The following PKD1L1 variants were observed in gnomAD, a reference collection of about 807,000 sequenced individuals.
The protein encoded by PKD1L1 is polycystin-1-like protein 1.
PKD1L1 carries 236 observed loss-of-function variants against 323.4 expected under a neutral mutation model. The observed-to-expected ratio is 0.73, with a 90% CI of 0.66 to 0.81. The LOEUF (loss-of-function observed/expected upper bound fraction) is 0.81, where lower values mean the gene tolerates loss of function less well. Ranked by LOEUF, PKD1L1 falls within the 40% of genes least tolerant of loss-of-function variation. The pLI, the probability that PKD1L1 is intolerant of heterozygous loss-of-function variation, is 0.00. For missense variants in PKD1L1, 3,320 were observed against 3,508.0 expected, an observed-to-expected ratio of 0.95 and a Z score of 1.35; for synonymous variants, 1,344 against 1,335.0, an observed-to-expected ratio of 1.01 and a Z score of -0.15.
At chr7:47,938,506 C>G (rs1787914469) in intron 3 of PKD1L1, among the ~76,000 whole-genome samples, 2 of 152,176 alleles carry the variant, frequency 1.3e-5, no homozygotes, top group South Asian at 4.1e-4. Flanking sequence ...GCATGGGAGA[C>G]ACAGGGCTTT....
chr7:47,834,498 T>C, intron 39 of PKD1L1, 113 bp from the exon 40 acceptor site: 1 of 859,920 alleles, frequency 1.2e-6, no homozygotes, highest in Admixed American at 2.0e-5. Flanking sequence ...TACTCTTCCT[T>C]CCTGACTCAG....
intron 53 of PKD1L1, among the ~76,000 whole-genome samples, chr7:47,802,191 CAAAAAAA>C (rs5884026): frequency 1.9e-5 from 2 of 105,916 alleles, no homozygotes; most frequent in Non-Finnish European, 2.0e-5. Context: ...GACTCTATCT[CAAAAAAA>C]AAAAAAAAAA....
chr7:47,879,926 G>A (rs906132570), intron 21 of PKD1L1, among the ~76,000 whole-genome samples: 9 of 125,918 alleles, frequency 7.1e-5, no homozygotes, highest in African/African-American at 2.2e-4. Flanking sequence ...GAGGGACTCC[G>A]TCTCAACAAA....
At chr7:47,908,435 C>A in intron 8 of PKD1L1, among the ~76,000 whole-genome samples, 185 bp from the exon 9 acceptor site, 1 of 152,180 alleles carries the variant, frequency 6.6e-6, no homozygotes, top group East Asian at 1.9e-4. Flanking sequence ...TGCACAGAGC[C>A]CCTCACGCAA....
At chr7:47,885,534 C>A (rs1786662704) in intron 18 of PKD1L1, 152 bp downstream of exon 18, 13 of 1,090,620 alleles carry the variant, frequency 1.2e-5, no homozygotes, top group South Asian at 4.6e-5. Flanking sequence ...GACTATTGCA[C>A]AACCAGCAAG....
At chr7:47,927,805 A>C (rs547143579) in intron 7 of PKD1L1, among the ~76,000 whole-genome samples, 1 of 152,362 alleles carries the variant, frequency 6.6e-6, no homozygotes, top group African/African-American at 2.4e-5. Context: ...ATTAACTATC[A>C]ATTACAGATG....
At chr7:47,809,657 C>T in intron 50 of PKD1L1, 80 bp from the exon 51 acceptor site, 1 of 1,010,762 alleles carries the variant, frequency 9.9e-7, no homozygotes, top group Non-Finnish European at 1.4e-6. Context: ...ATGTGACCAG[C>T]TCCCCTGCCA....
chr7:47,905,709 G>T, intron 10 of PKD1L1, 134 bp downstream of exon 10: 1 of 1,247,292 alleles, frequency 8.0e-7, no homozygotes, highest in South Asian at 1.4e-5. Context: ...GATGAACAAA[G>T]AACCTGTTCA....
chr7:47,831,458 G>T, intron 41 of PKD1L1, 106 bp from the exon 42 acceptor site: 1 of 1,407,722 alleles, frequency 7.1e-7, no homozygotes, highest in Non-Finnish European at 9.6e-7. Flanking sequence ...TGGGTCGTAG[G>T]GTGCCCAGGC....
At chr7:47,870,603 T>C (rs745949292) in intron 24 of PKD1L1, among the ~76,000 whole-genome samples, 10 of 152,170 alleles carry the variant, frequency 6.6e-5, no homozygotes, top group Non-Finnish European at 1.2e-4. Flanking sequence ...GAATCAGTCA[T>C]TTCAAAATTT....
At chr7:47,921,888 C>T (rs373518853) in intron 7 of PKD1L1, among the ~76,000 whole-genome samples, 2 of 146,840 alleles carry the variant, frequency 1.4e-5, no homozygotes, top group South Asian at 2.2e-4. Flanking sequence ...TCTCCCCTCT[C>T]CCCTCCCCCT....
At chr7:47,943,145 CAAAAAA>C (rs142019299) in intron 2 of PKD1L1, among the ~76,000 whole-genome samples, 9 of 88,986 alleles carry the variant, frequency 1.0e-4, no homozygotes, top group African/African-American at 2.2e-4. Context: ...GACTCCGTCT[CAAAAAA>C]AAAAAAAAAA....
At chr7:47,911,931 A>T (rs1283091589) in intron 8 of PKD1L1, among the ~76,000 whole-genome samples, 1 of 151,802 alleles carries the variant, frequency 6.6e-6, no homozygotes, top group Non-Finnish European at 1.5e-5. Context: ...CTGTGAAGAA[A>T]AAAAAAAAAA....
intron 32 of PKD1L1, among the ~76,000 whole-genome samples, chr7:47,846,547 G>T (rs1344644688): frequency 6.6e-6 from 1 of 152,202 alleles, no homozygotes. Flanking sequence ...TAAGAAAACT[G>T]ACAGGTTCAT....
chr7:47,801,798 C>T (rs918676740), intron 53 of PKD1L1, among the ~76,000 whole-genome samples: 1 of 152,214 alleles, frequency 6.6e-6, no homozygotes, highest in Non-Finnish European at 1.5e-5. Flanking sequence ...CTCCCGGTCT[C>T]CCCTTGATGC....
intron 56 of PKD1L1, among the ~76,000 whole-genome samples, chr7:47,782,269 C>T (rs938754181): frequency 2.0e-5 from 3 of 151,874 alleles, no homozygotes; most frequent in Non-Finnish European, 2.9e-5. Flanking sequence ...GTGCATATTT[C>T]TAAACTTTAA....
chr7:47,801,165 C>A (rs1369560954), intron 53 of PKD1L1, among the ~76,000 whole-genome samples: 2 of 152,062 alleles, frequency 1.3e-5, no homozygotes, highest in Non-Finnish European at 2.9e-5. Context: ...TCAGCTGCCT[C>A]CTCTGCCTAT....
At chr7:47,916,137 G>T (rs1787424963) in intron 7 of PKD1L1, among the ~76,000 whole-genome samples, 1 of 152,190 alleles carries the variant, frequency 6.6e-6, no homozygotes, top group Non-Finnish European at 1.5e-5. Flanking sequence ...AAAAATCAAT[G>T]ACTAGAAATT....
chr7:47,780,467 A>G (rs1786666575), intron 56 of PKD1L1, among the ~76,000 whole-genome samples: 1 of 152,118 alleles, frequency 6.6e-6, no homozygotes, highest in Non-Finnish European at 1.5e-5. Context: ...ACCCGTCTCT[A>G]CTAAAAATAC....
Sources: gnomAD v4.1 joint callset for allele counts (sites outside exome capture counted in the v4.1 genomes callset) on GRCh38, gnomAD v4.1.1 for gene constraint, MANE v1.5 for transcripts, NCBI Gene and HGNC (gene_info 2026-07-23, HGNC 2026-07-21) for gene names.